Variants in RICTOR observed in about 807,000 individuals in gnomAD.
The protein encoded by RICTOR is rapamycin-insensitive companion of mTOR.
A neutral mutation model predicts 214.9 loss-of-function variants in RICTOR; 49 were observed. The ratio of observed to expected loss-of-function variants is 0.23; its 90% CI spans 0.18 to 0.29. The LOEUF (loss-of-function observed/expected upper bound fraction) is 0.29, where lower values mean the gene tolerates loss of function less well. Among genes scored for constraint, RICTOR ranks in the 10% least tolerant of loss-of-function variants. The pLI, the probability that RICTOR is intolerant of heterozygous loss-of-function variation, is 1.00. For missense variants in RICTOR, 1,625 were observed against 2,047.0 expected (o/e 0.79, Z 3.98); for synonymous variants, 717 against 711.3 (o/e 1.01, Z -0.13).
At chr5:39,039,482 A>C (rs1469722895) in intron 2 of RICTOR, among the ~76,000 whole-genome samples, 1 of 152,206 alleles carries the variant, frequency 6.6e-6, no homozygotes, top group Non-Finnish European at 1.5e-5. Flanking sequence ...TAATTAAACT[A>C]AAGAGCTTCT....
At position 39,074,312 on chromosome 5, in the gene RICTOR, G is replaced by C; in HGVS notation, c.49+17C>G. The C allele has an allele frequency of 6.4e-7, 1 of 1,550,410 alleles. No individual in the cohort carries two copies. ...CGGGCGCCGGGCGGTGGGGAGTGAGGGTTGCAGCGGGCTTACCTCGTACTC... is the reference window on the plus strand; with the variant it reads ...CGGGCGCCGGGCGGTGGGGAGTGAGCGTTGCAGCGGGCTTACCTCGTACTC... On this transcript the variant is annotated intron_variant, in intron 1 of 37. Transcript: ENST00000357387.
In RICTOR at chr5:38,967,182, A is replaced by G; in HGVS notation, c.1197T>C (p.Phe399=). The part of the protein sequence containing the change: ...DNYLALILSA[F]IRNGLLEGLV... The stretch of plus-strand genomic sequence containing the variant: ...TTACCTCTAAAAGTCCATTACGAAT[A>G]AATGCAGAGAGTATCAGTGCCAAAT... Residue 399 remains phenylalanine (F), a synonymous_variant, in exon 14 of 38, where the codon TTT becomes TTC. Coordinates refer to ENST00000357387, the MANE Select transcript of RICTOR (RefSeq NM_152756.5). The G allele has an allele frequency of 6.2e-7, 1 of 1,610,726 alleles. No homozygotes were observed. The highest frequency in any genetic ancestry group is 8.5e-7 in the Non-Finnish European group (1 of 1,176,906).
At chr5:39,070,837 A>C (rs1220996985) in intron 2 of RICTOR, among the ~76,000 whole-genome samples, 1 of 152,194 alleles carries the variant, frequency 6.6e-6, no homozygotes, top group African/African-American at 2.4e-5. Context: ...GAGAGGAAGC[A>C]TTTGGGCTTC....
chr5:38,977,570 T>TG (rs1751341345), intron 9 of RICTOR, among the ~76,000 whole-genome samples: 1 of 150,616 alleles, frequency 6.6e-6, no homozygotes, highest in Non-Finnish European at 1.5e-5. Flanking sequence ...CAATGATGGA[T>TG]GTGACTGAAG....
chr5:39,073,975 G>A, intron 2 of RICTOR, 136 bp downstream of exon 2: 1 of 381,464 alleles, frequency 2.6e-6, no homozygotes, highest in Non-Finnish European at 3.8e-6. Context: ...CCGCGGGCCG[G>A]CAGGCGGGGC....
chr5:38,952,468 T>C, intron 29 of RICTOR, 43 bp from the exon 30 acceptor site: 2 of 1,326,060 alleles, frequency 1.5e-6, no homozygotes, highest in South Asian at 1.2e-5. Flanking sequence ...AATTCCAAGC[T>C]GAGATTTCTT....
intron 3 of RICTOR, among the ~76,000 whole-genome samples, chr5:39,005,758 T>A (rs994838449): frequency 1.3e-5 from 2 of 152,330 alleles, no homozygotes; most frequent in South Asian, 2.1e-4. Flanking sequence ...CACAGAAGGT[T>A]CAGCCTTCTT....
chr5:39,043,274 G>T (rs1467663228), intron 2 of RICTOR, among the ~76,000 whole-genome samples: 1 of 151,980 alleles, frequency 6.6e-6, no homozygotes, highest in Non-Finnish European at 1.5e-5. Context: ...TTTAAGTGTG[G>T]TATATATGCA....
intron 11 of RICTOR, chr5:38,970,885 T>C (rs1750722553): frequency 6.6e-6 from 1 of 152,236 alleles, no homozygotes. Context: ...AAGGCATAAA[T>C]ACATTTACCT....
intron 2 of RICTOR, among the ~76,000 whole-genome samples, chr5:39,028,018 G>A (rs1755966243): frequency 6.6e-6 from 1 of 151,124 alleles, no homozygotes; most frequent in South Asian, 2.1e-4. Flanking sequence ...AAGAGGATAA[G>A]AGGCCAAAAA....
chr5:39,050,031 T>C (rs1479531811), intron 2 of RICTOR, among the ~76,000 whole-genome samples: 1 of 152,096 alleles, frequency 6.6e-6, no homozygotes, highest in African/African-American at 2.4e-5. Context: ...AGAATCAGGA[T>C]GCCCAATGAA....
At chr5:39,073,266 G>T (rs1759456459) in intron 2 of RICTOR, among the ~76,000 whole-genome samples, 1 of 152,164 alleles carries the variant, frequency 6.6e-6, no homozygotes, top group Admixed American at 6.5e-5. Context: ...CCTGTTTACC[G>T]TGGAAGAGAA....
intron 31 of RICTOR, chr5:38,949,471 A>G: frequency 2.7e-6 from 4 of 1,499,108 alleles, no homozygotes; most frequent in Non-Finnish European, 3.6e-6. Flanking sequence ...TGTGACTTGT[A>G]TGTCCTTTGC....
Position 38,950,370 on chromosome 5 carries a change from C to T in RICTOR, c.3478G>A (p.Glu1160Lys), listed in dbSNP as rs1284365071. ...ISTVQKTLQLETSFMGNKHIE... is the reference protein window; with the variant it reads ...ISTVQKTLQLKTSFMGNKHIE... ...TGCTTATTCCCCATAAATGAAGTCT[C>T]TAATTGTAATGTTTTCTGTACAGTG... The change falls in exon 31 of 38, where the codon GAG (glutamate) becomes AAG (lysine). Residue 1160 changes from glutamate to lysine, a missense_variant. Glu to Lys is a moderately conservative substitution (Grantham distance 56). Coordinates refer to ENST00000357387, the MANE Select transcript of RICTOR (RefSeq NM_152756.5). The T allele has an allele frequency of 6.2e-7, 1 of 1,613,336 alleles. No individual in the cohort carries two copies.
rs145082310 is a variant in RICTOR at position 38,992,787 on chromosome 5, G to T, written c.457-1712C>A. Among the ~76,000 whole-genome samples the T allele has an allele frequency of 6.0e-3, 910 of 152,148 alleles. 14 individuals are homozygous for T. The highest frequency in any genetic ancestry group is 0.019 in the African/African-American group (798 of 41,504). On this transcript the variant is annotated intron_variant, in intron 6 of 37. Coordinates refer to ENST00000357387, the MANE Select transcript of RICTOR (RefSeq NM_152756.5). Reference sequence around the variant, plus strand: ...CATAAATCAATGAATGCTCAGTAAGGGAGAAGCCATAAAATGCAGTCACTG... The same window carrying T: ...CATAAATCAATGAATGCTCAGTAAGTGAGAAGCCATAAAATGCAGTCACTG...
intron 31 of RICTOR, among the ~76,000 whole-genome samples, chr5:38,947,724 A>G (rs1234008222): frequency 6.6e-6 from 1 of 152,168 alleles, no homozygotes; most frequent in Non-Finnish European, 1.5e-5. Context: ...TTCAACATCT[A>G]GAAGTAAAAA....
intron 3 of RICTOR, among the ~76,000 whole-genome samples, chr5:39,015,815 T>C (rs771205173): frequency 2.0e-5 from 3 of 152,020 alleles, no homozygotes; most frequent in Non-Finnish European, 2.9e-5. Context: ...AGGCACTACC[T>C]ATTACAGAGC....
intron 3 of RICTOR, among the ~76,000 whole-genome samples, chr5:39,005,343 CCT>C (rs1238312066): frequency 2.0e-5 from 3 of 150,582 alleles, no homozygotes; most frequent in Admixed American, 6.6e-5. Flanking sequence ...ATCCGTAAAT[CCT>C]CTTTTTTTTT....
rs188811867 is a variant in RICTOR, at chr5:39,063,583, A to T, written c.97+10528T>A. The stretch of plus-strand genomic sequence containing the variant: ...CTTACCTATCTCCCATTTTTTCTGA[A>T]TTCCTCTAGCTTTTAGAGTCCCTTA... On this transcript the variant is annotated intron_variant, in intron 2 of 37. Transcript: ENST00000357387. Among the ~76,000 whole-genome samples the T allele has an allele frequency of 1.0e-3, 155 of 152,126 alleles. 1 individual carries two copies. The Middle Eastern group carries it at 0.01, about 10-fold the overall frequency.
Sources: gnomAD v4.1 joint callset for allele counts (sites outside exome capture counted in the v4.1 genomes callset) on GRCh38, gnomAD v4.1.1 for gene constraint, MANE v1.5 for transcripts, NCBI Gene and HGNC (gene_info 2026-07-23, HGNC 2026-07-21) for gene names.